The following PRKCH variants were observed in gnomAD, a reference collection of about 807,000 sequenced individuals.
PRKCH encodes the protein protein kinase C eta type.
A neutral mutation model predicts 82.5 loss-of-function variants in PRKCH; 28 were observed. The ratio of observed to expected loss-of-function variants is 0.34; its 90% CI spans 0.25 to 0.47. PRKCH has a LOEUF of 0.47. Among genes scored for constraint, PRKCH ranks in the 20% least tolerant of loss-of-function variants. PRKCH has a pLI of 1.00. For missense variants in PRKCH, 705 were observed against 881.8 expected (o/e 0.80, Z 2.54); for synonymous variants, 322 against 327.4 (o/e 0.98, Z 0.18).
At chr14:61,248,042 A>G (rs1036545529) in intron 1 of PRKCH, among the ~76,000 whole-genome samples, 4 of 152,184 alleles carry the variant, frequency 2.6e-5, no homozygotes, top group Non-Finnish European at 5.9e-5. Context: ...ACTTCCTTGT[A>G]TGGTCTGGGA....
chr14:61,308,302 A>G (rs764675726), intron 1 of PRKCH, among the ~76,000 whole-genome samples: 41 of 152,390 alleles, frequency 2.7e-4, no homozygotes, highest in Admixed American at 6.5e-4. Flanking sequence ...GCCACCAGTT[A>G]TCTAAAACGG....
At chr14:61,546,734 A>G (rs1045587052) in intron 12 of PRKCH, among the ~76,000 whole-genome samples, 7 of 152,250 alleles carry the variant, frequency 4.6e-5, no homozygotes, top group African/African-American at 1.7e-4. Flanking sequence ...GGGGACTGTC[A>G]TGAGTCTATT....
At chr14:61,222,396 T>G (rs2044662765) in intron 1 of PRKCH, among the ~76,000 whole-genome samples, 1 of 152,158 alleles carries the variant, frequency 6.6e-6, no homozygotes, top group Admixed American at 6.5e-5. Flanking sequence ...GGTAGTATCC[T>G]CATTTGCATC....
intron 10 of PRKCH, among the ~76,000 whole-genome samples, chr14:61,527,181 C>A (rs950470537): frequency 3.3e-5 from 5 of 152,152 alleles, no homozygotes; most frequent in Non-Finnish European, 5.9e-5. Context: ...GACTCTTTAC[C>A]AAACAATCCT....
chr14:61,345,872 CTCT>C lies in PRKCH; in HGVS notation c.363+23410_363+23412del, dbSNP rs202069950. ...TGGACAACATAGCAAGACCCTGTCTCTCTTTTTTTTTTTTTAAAGTTGTGGAGC... is the reference window on the plus strand; with the variant it reads ...TGGACAACATAGCAAGACCCTGTCTCTTTTTTTTTTTTAAAGTTGTGGAGC... On this transcript the variant is annotated intron_variant, in intron 1 of 13. Transcript: ENST00000332981. 3.2e-3 allele frequency among the ~76,000 whole-genome samples: 462 copies of C among 143,814 alleles called. 2 individuals are homozygous for C. The highest frequency in any genetic ancestry group is 5.7e-3 in the African/African-American group (212 of 37,224). The allele number at this position is 143,814 out of a possible 152,430, so 94.3% of individuals were successfully genotyped here.
intron 10 of PRKCH, among the ~76,000 whole-genome samples, chr14:61,496,210 A>G (rs1004856768): frequency 1.3e-5 from 2 of 152,206 alleles, no homozygotes; most frequent in African/African-American, 4.8e-5. Flanking sequence ...TCCTGTAAGG[A>G]TAAACTCCTC....
chr14:61,276,458 CA>C (rs906279778), intron 1 of PRKCH, among the ~76,000 whole-genome samples: 2 of 151,788 alleles, frequency 1.3e-5, no homozygotes, highest in African/African-American at 4.8e-5. Flanking sequence ...CAGGTTCAAG[CA>C]ATTCTCCTGC....
intron 2 of PRKCH, among the ~76,000 whole-genome samples, chr14:61,406,323 G>GTTAAGGGTCAGGTTACAGTTTTTGCA (rs1881950051): frequency 2.0e-5 from 3 of 152,172 alleles, no homozygotes; most frequent in Admixed American, 6.5e-5. Flanking sequence ...CAGTTTTTGC[G>GTTAAGGGTCAGGTTACAGTTTTTGCA]TTGTTAGGGG....
intron 3 of PRKCH, among the ~76,000 whole-genome samples, chr14:61,445,420 C>T (rs927686): frequency 0.72 from 110,108 of 152,166 alleles, 45,253 homozygotes; most frequent in Non-Finnish European, 0.91. Context: ...TTTATTGCCA[C>T]TGAGGACTTA....
At chr14:61,512,322 A>G (rs1334522089) in intron 10 of PRKCH, among the ~76,000 whole-genome samples, 1 of 149,664 alleles carries the variant, frequency 6.7e-6, no homozygotes, top group East Asian at 2.0e-4. Context: ...CCACAGCCTC[A>G]GAGAGAAAAT....
At position 61,469,730 on chromosome 14, in the gene PRKCH, C is replaced by T. The variant is rs565166287; in HGVS notation, c.1278+12051C>T. Among the ~76,000 whole-genome samples, 12 of 152,280 alleles carry T rather than the reference C, an allele frequency of 7.9e-5. 1 individual carries two copies. In the South Asian group the frequency reaches 2.3e-3, roughly 29 times the overall value. ...CAGCTGCATCCATCTCTTCTAGGTCCGGAATTATCCACAGCATCTCATGAG... is the reference window on the plus strand; with the variant it reads ...CAGCTGCATCCATCTCTTCTAGGTCTGGAATTATCCACAGCATCTCATGAG... On this transcript the variant is annotated intron_variant, in intron 9 of 13. Transcript: ENST00000332981.
intron 1 of PRKCH, among the ~76,000 whole-genome samples, chr14:61,216,892 G>A (rs192290428): frequency 7.9e-5 from 12 of 152,274 alleles, no homozygotes; most frequent in Non-Finnish European, 1.5e-4. Flanking sequence ...TTATTCTGGC[G>A]TTTAAAAATG....
chr14:61,462,824 A>G (rs1276838427), intron 9 of PRKCH, among the ~76,000 whole-genome samples: 1 of 151,948 alleles, frequency 6.6e-6, no homozygotes, highest in Non-Finnish European at 1.5e-5. Flanking sequence ...TAAAAACAGC[A>G]CTCTCCTCAT....
At chr14:61,498,083 C>T (rs12894590) in intron 10 of PRKCH, among the ~76,000 whole-genome samples, 13,510 of 152,116 alleles carry the variant, frequency 0.089, 1,194 homozygotes, top group African/African-American at 0.23. Context: ...GGCTTGATCT[C>T]AGCTCACTGC....
intron 1 of PRKCH, among the ~76,000 whole-genome samples, chr14:61,232,510 C>T (rs1430313395): frequency 1.3e-5 from 2 of 152,198 alleles, no homozygotes; most frequent in South Asian, 2.1e-4. Context: ...CGTGAGCCAC[C>T]GTGCCCGGCC....
chr14:61,265,759 G>C (rs2045094306), intron 1 of PRKCH, among the ~76,000 whole-genome samples: 1 of 152,122 alleles, frequency 6.6e-6, no homozygotes, highest in South Asian at 2.1e-4. Context: ...TTTGCTTAGG[G>C]TGAGACTGGG....
intron 2 of PRKCH, among the ~76,000 whole-genome samples, chr14:61,415,905 C>CT (rs1690523580): frequency 6.6e-6 from 1 of 152,126 alleles, no homozygotes; most frequent in African/African-American, 2.4e-5. Context: ...TTTGACTACT[C>CT]TAAGTACCTC....
At chr14:61,210,790 C>CTCTG (rs1351869252) in intron 1 of PRKCH, among the ~76,000 whole-genome samples, 10 of 139,060 alleles carry the variant, frequency 7.2e-5, no homozygotes, top group Middle Eastern at 3.8e-3. Context: ...CTCTCTCTCT[C>CTCTG]TGTGTGTGTG....
intron 2 of PRKCH, among the ~76,000 whole-genome samples, chr14:61,429,430 T>C (rs1052217045): frequency 1.3e-5 from 2 of 152,254 alleles, no homozygotes; most frequent in African/African-American, 4.8e-5. Context: ...TCTCGTCCAC[T>C]GTTTTTTGTC....
Sources: gnomAD v4.1 joint callset for allele counts (sites outside exome capture counted in the v4.1 genomes callset) on GRCh38, gnomAD v4.1.1 for gene constraint, MANE v1.5 for transcripts, NCBI Gene and HGNC (gene_info 2026-07-23, HGNC 2026-07-21) for gene names.